EFCAB6: variants seen among roughly 807,000 people sequenced by gnomAD.
EFCAB6 encodes EF-hand calcium-binding domain-containing protein 6.
A neutral mutation model predicts 169.8 loss-of-function variants in EFCAB6; 156 were observed. That is an observed-to-expected ratio of 0.92 (90% CI 0.81 to 1.05). EFCAB6 has a LOEUF of 1.05. EFCAB6 is among the 50% of genes least tolerant of loss of function. The pLI is 0.00. For synonymous variants in EFCAB6, 698 were observed against 676.4 expected (o/e 1.03, Z -0.50); for missense variants, 1,800 against 1,829.1 (o/e 0.98, Z 0.29).
chr22:43,566,027 A>G (rs541436606), intron 26 of EFCAB6, among the ~76,000 whole-genome samples: 1 of 150,254 alleles, frequency 6.7e-6, no homozygotes, highest in Admixed American at 6.6e-5. Context: ...AAAAAAAAAG[A>G]TAAAACATTA....
intron 17 of EFCAB6, among the ~76,000 whole-genome samples, chr22:43,648,837 C>T (rs547538422): frequency 6.6e-6 from 1 of 152,204 alleles, no homozygotes; most frequent in Non-Finnish European, 1.5e-5. Flanking sequence ...AAAATTGATT[C>T]ATGCATTTGA....
At chr22:43,756,346 C>T (rs567264342) in intron 5 of EFCAB6, among the ~76,000 whole-genome samples, 1 of 152,346 alleles carries the variant, frequency 6.6e-6, no homozygotes, top group South Asian at 2.1e-4. Context: ...TGACCACTGT[C>T]GGGCTCTACG....
intron 27 of EFCAB6, chr22:43,540,608 C>T: frequency 7.1e-7 from 1 of 1,401,124 alleles, no homozygotes; most frequent in South Asian, 1.3e-5. Context: ...TTGAATTGGG[C>T]CCTCAGTGAG....
In EFCAB6 at chr22:43,745,599, G is replaced by A. The variant is rs192787699; in HGVS notation, c.508-9606C>T. Among the ~76,000 whole-genome samples, 283 of 152,244 alleles carry A rather than the reference G, an allele frequency of 1.9e-3. 4 individuals are homozygous for A. The highest frequency in any genetic ancestry group is 2.7e-3 in the Non-Finnish European group (183 of 68,028). ...CCCATGTCTTGGCTCAGCAGCAAGC[G>A]GAAGAGTTCAACACCCACGGCTGTC... is the stretch of plus-strand genomic sequence containing the variant. On this transcript the variant is annotated intron_variant, in intron 6 of 31. Coordinates refer to ENST00000262726, the MANE Select transcript of EFCAB6 (RefSeq NM_022785.4).
intron 2 of EFCAB6, among the ~76,000 whole-genome samples, chr22:43,799,840 G>T (rs980976050): frequency 6.6e-6 from 1 of 151,982 alleles, no homozygotes; most frequent in Non-Finnish European, 1.5e-5. Flanking sequence ...CATCCACAAC[G>T]CCCCTCCCCC....
intron 22 of EFCAB6, among the ~76,000 whole-genome samples, chr22:43,607,195 A>T (rs938300343): frequency 5.3e-5 from 8 of 152,140 alleles, no homozygotes; most frequent in Admixed American, 1.3e-4. Flanking sequence ...TTCTGATAGA[A>T]CACCTGCCTC....
At chr22:43,581,695 G>A (rs1345342460) in intron 24 of EFCAB6, among the ~76,000 whole-genome samples, 13 of 152,172 alleles carry the variant, frequency 8.5e-5, no homozygotes, top group Admixed American at 7.2e-4. Context: ...TGCCGGTAAG[G>A]TGGAGACAGA....
chr22:43,704,273 T>C (rs1193753628), intron 10 of EFCAB6, among the ~76,000 whole-genome samples: 1 of 151,050 alleles, frequency 6.6e-6, no homozygotes, highest in Non-Finnish European at 1.5e-5. Context: ...AGAAAAACTG[T>C]TTTTCAGAGA....
rs141962086 is a variant in EFCAB6, at chr22:43,626,543, C to G, written c.2369G>C (p.Gly790Ala). The G allele has an allele frequency of 5.6e-6, 9 of 1,614,086 alleles. No homozygotes were observed. Among genetic ancestry groups the G allele is most frequent in the Non-Finnish European group, 6.8e-6 (8 of 1,180,026 alleles). Residue 790 changes from glycine to alanine, a missense_variant, in exon 20 of 32, where the codon GGC becomes GCC. Gly to Ala is a moderately conservative substitution (Grantham distance 60). Transcript: ENST00000262726. ...DEFERFLGLL[G>A]LRLSVTLNFR... ...ATTTAAAGTGACACTAAGTCTCAAG[C>G]CAAGAAGGCCAAGGAAGCGCTCAAA... is the stretch of plus-strand genomic sequence containing the variant.
rs2147038511 is a variant in EFCAB6 at position 43,537,435 on chromosome 22, T to C, written c.3990A>G (p.Lys1330=). The change falls in exon 29 of 32, where the codon AAA becomes AAG. Residue 1330 remains lysine (K), a synonymous_variant. Transcript: ENST00000262726. This position sits in a 1 kb window ranked among gnomAD's most constrained non-coding sequence, Gnocchi z 4.3. The part of the protein sequence containing the change: ...RIQGCWRQLL[K]ECKEKDVARQ... ...TGGCCACGTCCTTCTCCTTGCATTC[T>C]TTCAGGAGCTGGCGCCAGCAGCCCT... 6.2e-7 allele frequency: 1 copy of C among 1,614,158 alleles called. No individual in the cohort carries two copies. The highest frequency in any genetic ancestry group is 8.5e-7 in the Non-Finnish European group (1 of 1,180,038).
chr22:43,723,326 G>A (rs1050259681), intron 8 of EFCAB6, among the ~76,000 whole-genome samples: 2 of 152,180 alleles, frequency 1.3e-5, no homozygotes, highest in Non-Finnish European at 2.9e-5. Flanking sequence ...ACTAGAGGAG[G>A]AGAAATGGAG....
At chr22:43,791,391 C>T (rs979919549) in intron 2 of EFCAB6, among the ~76,000 whole-genome samples, 14 of 148,674 alleles carry the variant, frequency 9.4e-5, no homozygotes, top group African/African-American at 2.0e-4. Flanking sequence ...AAAAAAGTTT[C>T]GGAATTGCCA....
chr22:43,540,888 G>T (rs561154983), intron 27 of EFCAB6, among the ~76,000 whole-genome samples: 11 of 152,256 alleles, frequency 7.2e-5, no homozygotes, highest in Admixed American at 3.3e-4. Flanking sequence ...GAGGCATTTG[G>T]AAAACCAGGG....
At chr22:43,570,876 C>A (rs1466801380) in intron 26 of EFCAB6, among the ~76,000 whole-genome samples, 1 of 152,212 alleles carries the variant, frequency 6.6e-6, no homozygotes, top group Non-Finnish European at 1.5e-5. Context: ...GAGCCCCAGG[C>A]CTTCTGCACA....
At chr22:43,778,100 G>A (rs529151020) in intron 3 of EFCAB6, among the ~76,000 whole-genome samples, 3 of 152,168 alleles carry the variant, frequency 2.0e-5, no homozygotes, top group Non-Finnish European at 2.9e-5. Flanking sequence ...CAAGCCACTC[G>A]TCAGAGAAAA....
At chr22:43,556,518 C>T (rs761762879) in intron 26 of EFCAB6, among the ~76,000 whole-genome samples, 7 of 152,104 alleles carry the variant, frequency 4.6e-5, no homozygotes, top group Non-Finnish European at 8.8e-5. Context: ...TCCTACCATG[C>T]CCCTCAGTGC....
intron 26 of EFCAB6, among the ~76,000 whole-genome samples, chr22:43,564,122 G>T (rs1269692994): frequency 1.3e-5 from 2 of 152,164 alleles, no homozygotes; most frequent in African/African-American, 4.8e-5. Flanking sequence ...GAAAAGACAG[G>T]CATCTTCCAG....
intron 28 of EFCAB6, among the ~76,000 whole-genome samples, 193 bp downstream of exon 28, chr22:43,539,934 C>A (rs902993271): frequency 6.6e-6 from 1 of 152,302 alleles, no homozygotes; most frequent in East Asian, 1.9e-4. Context: ...CCTATCCCCA[C>A]GTCTGCCCCC....
In EFCAB6 at chr22:43,537,329, C is replaced by A. The variant is rs1235413668; in HGVS notation, c.4048+48G>T. 1 of 1,595,994 alleles carries A rather than the reference C, an allele frequency of 6.3e-7. No individual in the cohort carries two copies. Among genetic ancestry groups the A allele is most frequent in the Non-Finnish European group, 8.6e-7 (1 of 1,168,646 alleles). On this transcript the variant is annotated intron_variant, in intron 29 of 31. Coordinates refer to ENST00000262726, the MANE Select transcript of EFCAB6 (RefSeq NM_022785.4). The surrounding 1 kb of genome is among the most constrained non-coding windows in gnomAD (Gnocchi z 4.3). The stretch of plus-strand genomic sequence containing the variant: ...TGTACCCAGTGGGAACAGCCTCTTG[C>A]CACAGGGGCTGACCACATATTACCA...
Sources: gnomAD v4.1 joint callset for allele counts (sites outside exome capture counted in the v4.1 genomes callset) on GRCh38, gnomAD v4.1.1 for gene constraint, Gnocchi (gnomAD v3.1) non-coding constraint, MANE v1.5 for transcripts, NCBI Gene and HGNC (gene_info 2026-07-23, HGNC 2026-07-21) for gene names.